Variants in KCNIP4 observed in about 807,000 individuals in gnomAD.
The protein encoded by KCNIP4 is potassium voltage-gated channel interacting protein 4, also known as Kv channel-interacting protein 4.
A neutral mutation model predicts 34.0 loss-of-function variants in KCNIP4; 12 were observed. The observed-to-expected ratio is 0.35, with a 90% CI of 0.23 to 0.57. The LOEUF (loss-of-function observed/expected upper bound fraction) is 0.57, where lower values mean the gene tolerates loss of function less well. Ranked by LOEUF, KCNIP4 falls within the 20% of genes least tolerant of loss-of-function variation. KCNIP4 has a pLI of 0.83. For missense variants in KCNIP4, 238 were observed against 311.7 expected, an observed-to-expected ratio of 0.76 and a Z score of 1.78; for synonymous variants, 124 against 102.2, an observed-to-expected ratio of 1.21 and a Z score of -1.29.
chr4:20,946,355 C>T (rs765613216), intron 1 of KCNIP4, among the ~76,000 whole-genome samples: 1 of 151,944 alleles, frequency 6.6e-6, no homozygotes, highest in African/African-American at 2.4e-5. Flanking sequence ...GTGAATGCTC[C>T]GAGGTGAGAA....
intron 1 of KCNIP4, among the ~76,000 whole-genome samples, chr4:21,708,210 A>T (rs1713441845): frequency 6.6e-6 from 1 of 152,246 alleles, no homozygotes; most frequent in East Asian, 1.9e-4. Flanking sequence ...CAATTATATA[A>T]CCATTTTAAA....
At chr4:20,992,764 A>G (rs745902100) in intron 1 of KCNIP4, among the ~76,000 whole-genome samples, 1 of 152,172 alleles carries the variant, frequency 6.6e-6, no homozygotes, top group Non-Finnish European at 1.5e-5. Flanking sequence ...ATGGTGGCTC[A>G]TGCCTGTAAT....
chr4:21,471,928 C>A (rs1430632914), intron 1 of KCNIP4, among the ~76,000 whole-genome samples: 5 of 152,082 alleles, frequency 3.3e-5, no homozygotes, highest in African/African-American at 9.6e-5. Flanking sequence ...TAAAAATATT[C>A]TTCTTTCTTT....
chr4:21,272,591 C>T (rs1762217747), intron 1 of KCNIP4, among the ~76,000 whole-genome samples: 1 of 152,120 alleles, frequency 6.6e-6, no homozygotes. Context: ...TTTCCTTCTT[C>T]GTGTAGAGAA....
intron 3 of KCNIP4, among the ~76,000 whole-genome samples, chr4:20,764,789 G>A (rs1259800143): frequency 6.6e-6 from 1 of 152,024 alleles, no homozygotes; most frequent in Non-Finnish European, 1.5e-5. Flanking sequence ...ACATTGAGGC[G>A]TTTGGACAGG....
At chr4:21,024,209 G>A (rs1261900183) in intron 1 of KCNIP4, among the ~76,000 whole-genome samples, 1 of 152,186 alleles carries the variant, frequency 6.6e-6, no homozygotes, top group African/African-American at 2.4e-5. Context: ...ACCAAGTAAA[G>A]TAATGCTTTT....
intron 1 of KCNIP4, among the ~76,000 whole-genome samples, chr4:21,457,180 C>G (rs1235412767): frequency 6.6e-6 from 1 of 152,030 alleles, no homozygotes; most frequent in Admixed American, 6.6e-5. Context: ...TCTTCATTTC[C>G]CACCAAATAA....
At chr4:20,986,515 G>A (rs1318418297) in intron 1 of KCNIP4, among the ~76,000 whole-genome samples, 1 of 152,062 alleles carries the variant, frequency 6.6e-6, no homozygotes, top group Non-Finnish European at 1.5e-5. Flanking sequence ...AATTAATTAG[G>A]TCAAGTTAAA....
At chr4:21,402,856 A>G (rs528890800) in intron 1 of KCNIP4, among the ~76,000 whole-genome samples, 1 of 152,106 alleles carries the variant, frequency 6.6e-6, no homozygotes, top group African/African-American at 2.4e-5. Context: ...GCATTCTATA[A>G]TACATCCTAT....
intron 1 of KCNIP4, among the ~76,000 whole-genome samples, chr4:21,839,037 A>G (rs1448003691): frequency 6.6e-6 from 1 of 152,176 alleles, no homozygotes; most frequent in Non-Finnish European, 1.5e-5. Flanking sequence ...ATTACATTAA[A>G]ATAATCATTT....
At chr4:21,612,275 G>A (rs1046825359) in intron 1 of KCNIP4, among the ~76,000 whole-genome samples, 35 of 152,104 alleles carry the variant, frequency 2.3e-4, no homozygotes, top group African/African-American at 7.7e-4. Context: ...TCCACAGTAT[G>A]CCACCAAAGT....
At chr4:21,255,283 T>A (rs1005683059) in intron 1 of KCNIP4, among the ~76,000 whole-genome samples, 1 of 63,984 alleles carries the variant, frequency 1.6e-5, no homozygotes, top group South Asian at 4.4e-4. Context: ...CATGCTTAAA[T>A]TGTACCCCAC....
chr4:21,552,671 C>A (rs1738676663), intron 1 of KCNIP4, among the ~76,000 whole-genome samples: 1 of 152,072 alleles, frequency 6.6e-6, no homozygotes, highest in Admixed American at 6.6e-5. Flanking sequence ...ATGTAGAGAA[C>A]AGATTGTTAT....
chr4:21,888,160 A>T (rs938675230), intron 1 of KCNIP4, among the ~76,000 whole-genome samples: 1 of 152,270 alleles, frequency 6.6e-6, no homozygotes, highest in East Asian at 1.9e-4. Flanking sequence ...CCAAGGTCTC[A>T]CAGAGCTGGG....
intron 1 of KCNIP4, among the ~76,000 whole-genome samples, chr4:21,430,784 C>T (rs906246616): frequency 1.4e-5 from 2 of 139,268 alleles, no homozygotes; most frequent in African/African-American, 5.4e-5. Context: ...AAGTGGCTAA[C>T]CTAGGAGTCG....
At chr4:21,093,965 C>G (rs1333842150) in intron 1 of KCNIP4, among the ~76,000 whole-genome samples, 1 of 151,950 alleles carries the variant, frequency 6.6e-6, no homozygotes, top group Admixed American at 6.6e-5. Context: ...GCCTGTAGTC[C>G]CAGCTACTCA....
chr4:21,204,017 C>T (rs1756676613), intron 1 of KCNIP4, among the ~76,000 whole-genome samples: 1 of 152,162 alleles, frequency 6.6e-6, no homozygotes. Context: ...TTGCATTATG[C>T]TCATCGCTGG....
chr4:20,851,114 G>T (rs1255448789), intron 2 of KCNIP4, among the ~76,000 whole-genome samples: 1 of 152,132 alleles, frequency 6.6e-6, no homozygotes, highest in Non-Finnish European at 1.5e-5. Context: ...ATGTGCCATG[G>T]TGGTTTGCTG....
chr4:21,472,238 A>T (rs992072936), intron 1 of KCNIP4, among the ~76,000 whole-genome samples: 3 of 152,116 alleles, frequency 2.0e-5, no homozygotes, highest in African/African-American at 7.2e-5. Flanking sequence ...TTTAGGGTGG[A>T]GCAGATAAGA....
Sources: allele counts gnomAD v4.1 joint callset (sites outside exome capture counted in the v4.1 genomes callset), GRCh38; gene constraint gnomAD v4.1.1; transcripts MANE v1.5; gene names NCBI Gene and HGNC (gene_info 2026-07-23, HGNC 2026-07-21).